Variants in GRK5 observed in about 807,000 individuals in gnomAD.
The protein encoded by GRK5 is g protein-coupled receptor kinase GRK5.
Under a neutral mutation model 78.4 loss-of-function variants are expected in GRK5, and 40 were observed. That is an observed-to-expected ratio of 0.51 (90% CI 0.40 to 0.66). The LOEUF (loss-of-function observed/expected upper bound fraction) is 0.66. GRK5 is among the 30% of genes least tolerant of loss of function. The probability of loss-of-function intolerance (pLI) is 0.00; values close to 1 mark genes in which losing one functional copy is unlikely to be tolerated. For synonymous variants in GRK5, 289 were observed against 296.8 expected (o/e 0.97, Z 0.27); for missense variants, 598 against 759.9 (o/e 0.79, Z 2.50).
In GRK5 at chr10:119,274,176, C is replaced by G. The variant is rs1564872613; in HGVS notation, c.53-52340C>G. Among the ~76,000 whole-genome samples the G allele has an allele frequency of 5.3e-5, 8 of 152,124 alleles. No individual in the cohort carries two copies. The South Asian group carries it at 1.7e-3, about 32-fold the overall frequency. ...TGATTGGAGACTGGTCCCAACCCACCCATGCCGCTGAGGAGGGGACATGGG... is the reference window on the plus strand; with the variant it reads ...TGATTGGAGACTGGTCCCAACCCACGCATGCCGCTGAGGAGGGGACATGGG... On this transcript the variant is annotated intron_variant, in intron 1 of 15. Transcript: ENST00000392870.
rs1389488011 is a variant in GRK5 at position 119,459,517 on chromosome 10, AAAT to A, written c.*4456_*4458del. ...AGTTTAGTGGCTTTTGGTGTTGTTA[AAAT>A]AATAAGAATCCTTCTAGCATCCAAA... On this transcript the variant is annotated 3_prime_UTR_variant, in exon 16 of 16. Transcript: ENST00000392870. 1 of 152,162 alleles carries A rather than the reference AAAT, an allele frequency of 6.6e-6. No individual in the cohort carries two copies. Among genetic ancestry groups the A allele is most frequent in the African/African-American group, 2.4e-5 (1 of 41,442 alleles). 9.4% of individuals were successfully genotyped at this position (152,162 alleles called of 1,614,324 possible).
intron 3 of GRK5, among the ~76,000 whole-genome samples, chr10:119,392,496 G>T (rs1163867494): frequency 1.3e-5 from 2 of 152,136 alleles, no homozygotes; most frequent in Non-Finnish European, 1.5e-5. Flanking sequence ...TCTGCCTCCC[G>T]AGTTCAATCG....
chr10:119,402,733 A>G (rs1056778630), intron 4 of GRK5, among the ~76,000 whole-genome samples: 1 of 152,186 alleles, frequency 6.6e-6, no homozygotes, highest in Non-Finnish European at 1.5e-5. Flanking sequence ...CCACACCTGT[A>G]ATCCCAGCTA....
intron 6 of GRK5, among the ~76,000 whole-genome samples, chr10:119,426,158 C>T (rs1017735100): frequency 2.6e-5 from 4 of 152,232 alleles, no homozygotes; most frequent in African/African-American, 7.2e-5. Flanking sequence ...CTGTGTCCCC[C>T]GTAGACACTC....
intron 3 of GRK5, among the ~76,000 whole-genome samples, chr10:119,395,659 G>A (rs1028607246): frequency 1.1e-4 from 16 of 152,156 alleles, no homozygotes; most frequent in African/African-American, 3.4e-4. Context: ...TCCATGTGGC[G>A]AGTGCGTCAG....
chr10:119,259,538 G>A (rs947459701), intron 1 of GRK5, among the ~76,000 whole-genome samples: 2 of 152,202 alleles, frequency 1.3e-5, no homozygotes, highest in Non-Finnish European at 2.9e-5. Flanking sequence ...CTTGGACAGA[G>A]CCCTCAATTT....
At chr10:119,416,934 C>G (rs1485978931) in intron 4 of GRK5, among the ~76,000 whole-genome samples, 2 of 152,174 alleles carry the variant, frequency 1.3e-5, no homozygotes, top group Non-Finnish European at 2.9e-5. Flanking sequence ...GTTGCAGAGG[C>G]CGTACTCCTC....
intron 2 of GRK5, among the ~76,000 whole-genome samples, chr10:119,346,827 T>C (rs1421709514): frequency 6.6e-6 from 1 of 152,148 alleles, no homozygotes; most frequent in Non-Finnish European, 1.5e-5. Context: ...GAGCTGGCCT[T>C]TCTTGTTAGT....
At chr10:119,302,365 G>A (rs1483183677) in intron 1 of GRK5, among the ~76,000 whole-genome samples, 1 of 152,228 alleles carries the variant, frequency 6.6e-6, no homozygotes, top group Non-Finnish European at 1.5e-5. Flanking sequence ...TGGCAGAGGA[G>A]CCCAAGGGCA....
rs112436700 is a variant in GRK5 at position 119,287,746 on chromosome 10, G to A, written c.53-38770G>A. On this transcript the variant is annotated intron_variant, in intron 1 of 15. Coordinates refer to ENST00000392870, the MANE Select transcript of GRK5 (RefSeq NM_005308.3). ...TGTCCACACCTCACAAAGCAGAGAG[G>A]AGGACGGCTATGACTGCACCGTATC... 7.0e-3 allele frequency among the ~76,000 whole-genome samples: 1,072 copies of A among 152,286 alleles called. 5 individuals are homozygous for A. The highest frequency in any genetic ancestry group is 9.5e-3 in the Non-Finnish European group (646 of 68,026).
intron 3 of GRK5, among the ~76,000 whole-genome samples, chr10:119,395,705 A>ATT (rs1257096433): frequency 1.3e-5 from 2 of 152,162 alleles, no homozygotes; most frequent in Non-Finnish European, 2.9e-5. Context: ...ATTCAGGGAA[A>ATT]TTAAAAAGTC....
intron 1 of GRK5, among the ~76,000 whole-genome samples, chr10:119,324,430 C>T (rs1018052356): frequency 1.3e-5 from 2 of 152,300 alleles, no homozygotes; most frequent in Non-Finnish European, 1.5e-5. Flanking sequence ...AGTTTGAGAC[C>T]GGCCTGGCCA....
intron 4 of GRK5, among the ~76,000 whole-genome samples, chr10:119,415,112 A>C (rs1388231948): frequency 1.3e-5 from 2 of 151,764 alleles, no homozygotes; most frequent in Non-Finnish European, 1.5e-5. Flanking sequence ...AAGAAAAAGA[A>C]AAAAGAAATG....
At chr10:119,254,066 C>G (rs1483837647) in intron 1 of GRK5, among the ~76,000 whole-genome samples, 2 of 152,186 alleles carry the variant, frequency 1.3e-5, no homozygotes, top group Non-Finnish European at 2.9e-5. Context: ...AACCACACCA[C>G]AGCGGGGAAA....
chr10:119,423,152 C>T lies in GRK5; in HGVS notation c.340-14C>T, dbSNP rs778553891. 2.5e-6 allele frequency: 4 copies of T among 1,590,330 alleles called. No homozygotes were observed. The highest frequency in any genetic ancestry group is 1.7e-5 in the Admixed American group (1 of 59,986). The stretch of plus-strand genomic sequence containing the variant: ...GCTCCTCACTGACCACCTCCCTTCC[C>T]TTCCTTCTTCCAGTCCCCTGTTTTC... On this transcript the variant is annotated splice_polypyrimidine_tract_variant and intron_variant, in intron 4 of 15. Transcript: ENST00000392870.
At chr10:119,240,514 A>C (rs1849007824) in intron 1 of GRK5, among the ~76,000 whole-genome samples, 1 of 151,888 alleles carries the variant, frequency 6.6e-6, no homozygotes, top group East Asian at 1.9e-4. Context: ...CCAACTTTTT[A>C]ATGATCACCA....
chr10:119,247,954 G>A (rs1217465787), intron 1 of GRK5, among the ~76,000 whole-genome samples: 1 of 152,132 alleles, frequency 6.6e-6, no homozygotes, highest in Non-Finnish European at 1.5e-5. Flanking sequence ...CTTTCTAAAT[G>A]CTGACTGTTT....
At chr10:119,440,841 G>A (rs946425329) in intron 10 of GRK5, among the ~76,000 whole-genome samples, 2 of 152,076 alleles carry the variant, frequency 1.3e-5, no homozygotes, top group Non-Finnish European at 2.9e-5. Context: ...ATGAGCCACC[G>A]GTTTCCACAC....
chr10:119,349,987 G>A (rs942173437), intron 2 of GRK5, among the ~76,000 whole-genome samples: 6 of 152,190 alleles, frequency 3.9e-5, no homozygotes, highest in South Asian at 2.1e-4. Flanking sequence ...CTTGTTTTAC[G>A]GACCAGGCTC....
Sources: gnomAD v4.1 joint callset for allele counts (sites outside exome capture counted in the v4.1 genomes callset) on GRCh38, gnomAD v4.1.1 for gene constraint, MANE v1.5 for transcripts, NCBI Gene and HGNC (gene_info 2026-07-23, HGNC 2026-07-21) for gene names.